TBC1D31: variants seen among roughly 807,000 people sequenced by gnomAD.
TBC1D31 encodes WD repeat domain 67.
In TBC1D31, 99 loss-of-function variants were observed where a neutral mutation model predicts 132.9. The observed-to-expected ratio is 0.74, with a 90% confidence interval of 0.63 to 0.88. The LOEUF is 0.88. Ranked by LOEUF, TBC1D31 falls within the 40% of genes least tolerant of loss-of-function variation. The probability of loss-of-function intolerance (pLI) is 0.00; values close to 1 mark genes in which losing one functional copy is unlikely to be tolerated. For synonymous variants in TBC1D31, 385 were observed against 419.4 expected (o/e 0.92, Z 1.00); for missense variants, 1,134 against 1,256.6 (o/e 0.90, Z 1.48).
At chr8:123,133,844 T>A (rs1820837542) in intron 16 of TBC1D31, among the ~76,000 whole-genome samples, 1 of 152,248 alleles carries the variant, frequency 6.6e-6, no homozygotes, top group South Asian at 2.1e-4. Context: ...ACTGTAATAC[T>A]GTAAGAACTG....
In TBC1D31 at chr8:123,086,097, T is replaced by C. The variant is rs747606030; in HGVS notation, c.519+1757T>C. 8.0e-4 allele frequency among the ~76,000 whole-genome samples: 122 copies of C among 152,186 alleles called. 1 individual carries two copies. The highest frequency in any genetic ancestry group is 5.6e-4 in the Non-Finnish European group (38 of 68,050). Reference sequence around the variant, plus strand: ...GCCCTTATATAGTAGCTCCCATTGTTATTTTGTCCTTTATGTCCCCTGGCT... The same window carrying C: ...GCCCTTATATAGTAGCTCCCATTGTCATTTTGTCCTTTATGTCCCCTGGCT... On this transcript the variant is annotated intron_variant, in intron 4 of 21. Transcript: ENST00000287380.
At chr8:123,147,822 A>G (rs534907246) in intron 20 of TBC1D31, among the ~76,000 whole-genome samples, 3 of 152,248 alleles carry the variant, frequency 2.0e-5, no homozygotes, top group African/African-American at 7.2e-5. Context: ...ATAATCACCT[A>G]CCATTAAGAA....
At position 123,109,612 on chromosome 8, in the gene TBC1D31, A is replaced by G; in HGVS notation, c.1428A>G (p.Val476=). The G allele has an allele frequency of 6.2e-7, 1 of 1,611,730 alleles. No individual in the cohort carries two copies. The highest frequency in any genetic ancestry group is 2.2e-5 in the East Asian group (1 of 44,848). Residue 476 remains valine (V), a synonymous_variant, in exon 10 of 22, where the codon GTA becomes GTG. Coordinates refer to ENST00000287380, the MANE Select transcript of TBC1D31 (RefSeq NM_145647.4). ...YPIKSRKLLR[V]LQRTLSALAH... The stretch of plus-strand genomic sequence containing the variant: ...TCAAAAGTAGGAAGCTACTCAGAGT[A>G]TTACAGAGGTATGTTCTATATATTG...
At chr8:123,140,739 T>G in intron 17 of TBC1D31, 22 bp from the exon 18 acceptor site, 1 of 1,582,352 alleles carries the variant, frequency 6.3e-7, no homozygotes, top group Non-Finnish European at 8.6e-7. Flanking sequence ...TAGTGATTTT[T>G]TTTTACAAAT....
the TBC1D31 span, among the ~76,000 whole-genome samples, chr8:123,157,271 G>C: frequency 1.3e-5 from 2 of 152,214 alleles, no homozygotes; most frequent in Admixed American, 6.5e-5. Context: ...CAGATTATGA[G>C]ACTGACGCGC....
chr8:123,122,331 G>A (rs747589351), intron 11 of TBC1D31, among the ~76,000 whole-genome samples: 5 of 152,096 alleles, frequency 3.3e-5, no homozygotes, highest in Non-Finnish European at 7.4e-5. Context: ...GTAAATACAC[G>A]CAATGGAATG....
chr8:123,158,201 C>A, the TBC1D31 span, among the ~76,000 whole-genome samples: 1 of 152,004 alleles, frequency 6.6e-6, no homozygotes, highest in Admixed American at 6.5e-5. Context: ...GTGCCCCTAT[C>A]ATAAATGGAA....
rs920896737 is a variant in TBC1D31 at position 123,100,542 on chromosome 8, C to A, written c.832-265C>A. 3.3e-5 allele frequency among the ~76,000 whole-genome samples: 5 copies of A among 151,956 alleles called. No homozygotes were observed. The East Asian group carries it at 9.6e-4, about 29-fold the overall frequency. On this transcript the variant is annotated intron_variant, in intron 6 of 21. Transcript: ENST00000287380. ...AGTGAGTGGAGATCGTGCCACTGCA[C>A]TCCAGCCTGGGCAACAAGAGTAAAA... is the stretch of plus-strand genomic sequence containing the variant.
chr8:123,129,013 G>A, intron 14 of TBC1D31, 53 bp from the exon 15 acceptor site: 1 of 1,296,886 alleles, frequency 7.7e-7, no homozygotes, highest in Non-Finnish European at 1.0e-6. Flanking sequence ...TTTGTGTTTT[G>A]ATGATTCTTA....
At position 123,140,874 on chromosome 8, in the gene TBC1D31, TG is replaced by T. The variant is rs1283848081; in HGVS notation, c.2614del (p.Glu872LysfsTer10). The T allele has an allele frequency of 4.3e-6, 7 of 1,613,574 alleles. No homozygotes were observed. In the African/African-American group the frequency reaches 9.3e-5, roughly 22 times the overall value. On this transcript the variant is annotated frameshift_variant, in exon 18 of 22. Coordinates refer to ENST00000287380, the MANE Select transcript of TBC1D31 (RefSeq NM_145647.4). LOFTEE classifies it high-confidence loss of function. The part of the protein sequence containing the change: ...HMFHKLIEAG[E>X]TQSQKTQKVI... ...TGTTTCATAAGCTGATAGAAGCAGG[TG>T]AAACCCAGAGCCAGAAAACTCAGAA...
At chr8:123,114,317 T>TTTTTTG (rs1554614956) in intron 10 of TBC1D31, among the ~76,000 whole-genome samples, 30 of 151,520 alleles carry the variant, frequency 2.0e-4, no homozygotes, top group African/African-American at 2.7e-4. Flanking sequence ...TTGTTTGTTT[T>TTTTTTG]TTGTTGTTGT....
Position 123,086,706 on chromosome 8 carries a change from T to A in TBC1D31, c.519+2366T>A, listed in dbSNP as rs377639634. On this transcript the variant is annotated intron_variant, in intron 4 of 21. Transcript: ENST00000287380. ...CCCCCTCCCTCTCTCCCCTTCCTTC[T>A]TCCTCCCTGTTCTTTTTTTTTTTTT... Among the ~76,000 whole-genome samples the A allele has an allele frequency of 1.4e-3, 206 of 151,508 alleles. 2 individuals carry two copies. The highest frequency in any genetic ancestry group is 4.7e-3 in the African/African-American group (193 of 41,372).
chr8:123,100,508 G>A (rs1443679041), intron 6 of TBC1D31, among the ~76,000 whole-genome samples: 1 of 151,904 alleles, frequency 6.6e-6, no homozygotes. Context: ...CCCAGGGGGC[G>A]GAGGTTGCAG....
chr8:123,148,053 G>T (rs1323347034), intron 20 of TBC1D31, among the ~76,000 whole-genome samples: 1 of 151,860 alleles, frequency 6.6e-6, no homozygotes, highest in Non-Finnish European at 1.5e-5. Flanking sequence ...CTTGAACCCA[G>T]GAGGCAGAGG....
chr8:123,158,294 ACTGT>A, the TBC1D31 span, among the ~76,000 whole-genome samples: 4 of 152,194 alleles, frequency 2.6e-5, no homozygotes, highest in Non-Finnish European at 4.4e-5. Flanking sequence ...TCTTCCACTT[ACTGT>A]CTAAAATCAG....
intron 10 of TBC1D31, among the ~76,000 whole-genome samples, chr8:123,116,708 G>A (rs968949895): frequency 6.6e-6 from 1 of 152,112 alleles, no homozygotes; most frequent in Non-Finnish European, 1.5e-5. Flanking sequence ...GTGCCATAAA[G>A]TAAGGAAATG....
intron 19 of TBC1D31, among the ~76,000 whole-genome samples, chr8:123,142,793 A>G (rs1474390961): frequency 6.6e-6 from 1 of 152,210 alleles, no homozygotes; most frequent in Non-Finnish European, 1.5e-5. Flanking sequence ...TCTCATTTAC[A>G]TTAGTGTGCT....
chr8:123,085,833 T>C (rs1317150052), intron 4 of TBC1D31, among the ~76,000 whole-genome samples: 3 of 152,260 alleles, frequency 2.0e-5, no homozygotes, highest in Non-Finnish European at 4.4e-5. Context: ...TTCTTTTGTT[T>C]TTTTCCAACT....
At chr8:123,142,973 T>C (rs1270148328) in intron 19 of TBC1D31, among the ~76,000 whole-genome samples, 1 of 152,194 alleles carries the variant, frequency 6.6e-6, no homozygotes, top group African/African-American at 2.4e-5. Flanking sequence ...AGGATAGAAA[T>C]ATAGTCTGGA....
Sources: allele counts gnomAD v4.1 joint callset (sites outside exome capture counted in the v4.1 genomes callset), GRCh38; gene constraint gnomAD v4.1.1; transcripts MANE v1.5; gene names NCBI Gene and HGNC (gene_info 2026-07-23, HGNC 2026-07-21).